Variants in CHRNA4 observed in about 807,000 individuals in gnomAD.
CHRNA4 encodes cholinergic receptor nicotinic alpha 4 subunit.
CHRNA4 carries 28 observed loss-of-function variants against 48.9 expected under a neutral mutation model. The ratio of observed to expected loss-of-function variants is 0.57; its 90% confidence interval spans 0.42 to 0.79. The LOEUF (loss-of-function observed/expected upper bound fraction) is 0.79, where lower values mean the gene tolerates loss of function less well. CHRNA4 is among the 30% of genes least tolerant of loss of function. CHRNA4 has a pLI of 0.00. For missense variants in CHRNA4, 859 were observed against 898.4 expected, an observed-to-expected ratio of 0.96 and a Z score of 0.56; for synonymous variants, 425 against 402.3, an observed-to-expected ratio of 1.06 and a Z score of -0.68.
In CHRNA4 at chr20:63,350,083, T is replaced by G. The variant is rs2123470721; in HGVS notation, c.1328A>C (p.His443Pro). ...QPLEAEKASP[H>P]PSPGPCRPPH... ...CGGGCGGCAGGGTCCAGGCGAGGGGTGGGGGCTGGCTTTCTCAGCTTCCAG... is the reference window on the plus strand; with the variant it reads ...CGGGCGGCAGGGTCCAGGCGAGGGGGGGGGGCTGGCTTTCTCAGCTTCCAG... Residue 443 changes from histidine to proline, a missense_variant, in exon 5 of 6, where the codon CAC becomes CCC. Transcript: ENST00000370263. 1 of 1,518,806 alleles carries G rather than the reference T, an allele frequency of 6.6e-7. No individual in the cohort carries two copies. Among genetic ancestry groups the G allele is most frequent in the Non-Finnish European group, 8.8e-7 (1 of 1,130,990 alleles). 94.1% of individuals were successfully genotyped at this position (1,518,806 alleles called of 1,614,324 possible).
chr20:63,353,824 G>A (rs1360220115), intron 4 of CHRNA4, among the ~76,000 whole-genome samples: 3 of 82,662 alleles, frequency 3.6e-5, no homozygotes, highest in African/African-American at 4.9e-5. Context: ...TCCTGGAGGG[G>A]CTGTGGTTCT....
chr20:63,361,274 G>GCCGC lies in CHRNA4; in HGVS notation c.-113_-110dup. The stretch of plus-strand genomic sequence containing the variant: ...CTCCCGCGCCTCGCGGGCCGCTTCG[G>GCCGC]CCGCCGGGCCCGGTTCGTCTTCTCC... On this transcript the variant is annotated 5_prime_UTR_variant, in exon 1 of 6. Transcript: ENST00000370263. The GCCGC allele has an allele frequency of 7.3e-7, 1 of 1,377,262 alleles. No individual in the cohort carries two copies. The highest frequency in any genetic ancestry group is 9.4e-7 in the Non-Finnish European group (1 of 1,066,756). 85.3% of individuals were successfully genotyped at this position (1,377,262 alleles called of 1,614,324 possible). A position where few individuals can be genotyped will look rare whatever the true frequency, so the allele number is the denominator to read the frequency against.
At chr20:63,351,661 G>T (rs1417297123) in intron 4 of CHRNA4, among the ~76,000 whole-genome samples, 1 of 152,242 alleles carries the variant, frequency 6.6e-6, no homozygotes, top group Non-Finnish European at 1.5e-5. Context: ...GCAAGGACAG[G>T]TGTTCTGGCC....
chr20:63,351,135 A>C, intron 4 of CHRNA4, 108 bp from the exon 5 acceptor site: 1 of 1,139,676 alleles, frequency 8.8e-7, no homozygotes, highest in Admixed American at 2.2e-5. Flanking sequence ...ACCCACATCC[A>C]CGCCCACATC....
rs45514492 is a variant in CHRNA4, at chr20:63,346,301, G to A, written c.*437C>T. 4.4e-6 allele frequency: 2 copies of A among 454,238 alleles called. No homozygotes were observed. The highest frequency in any genetic ancestry group is 6.9e-5 in the East Asian group (1 of 14,476). The allele number at this position is 454,238 out of a possible 1,614,324, so 28.1% of individuals were successfully genotyped here. ...CAGGACACGGTGGGTGGGAGAGGCG[G>A]CCGGGCCTCCAGAAGACGGGGCGCT... On this transcript the variant is annotated 3_prime_UTR_variant, in exon 6 of 6. Transcript: ENST00000370263.
intron 1 of CHRNA4, chr20:63,360,861 C>T (rs916247849): frequency 3.6e-5 from 15 of 416,328 alleles, no homozygotes; most frequent in African/African-American, 2.7e-4. Flanking sequence ...CCGCGGAAAG[C>T]CCCTTTCCCA....
chr20:63,360,988 G>C, intron 1 of CHRNA4, 102 bp downstream of exon 1: 1 of 1,018,674 alleles, frequency 9.8e-7, no homozygotes, highest in Non-Finnish European at 1.3e-6. Flanking sequence ...GCGCACCCGC[G>C]GCTTGGGACC....
intron 4 of CHRNA4, among the ~76,000 whole-genome samples, chr20:63,353,443 G>C (rs1234279061): frequency 6.7e-6 from 1 of 149,322 alleles, no homozygotes; most frequent in Admixed American, 6.6e-5. Flanking sequence ...CCTGAGCTGT[G>C]GTCCTAGGGG....
rs1251792310 is a variant in CHRNA4 at position 63,343,253 on chromosome 20, T to A, written c.*3485A>T. 2.4e-6 allele frequency: 1 copy of A among 421,702 alleles called. No individual in the cohort carries two copies. The highest frequency in any genetic ancestry group is 4.8e-6 in the Non-Finnish European group (1 of 207,148). The allele number at this position is 421,702 out of a possible 1,614,324, so 26.1% of individuals were successfully genotyped here. ...ACGGTGCGTTTTATTCATTGAAGTC[T>A]GTGCACACACTGGGAGCACATTCCA... On this transcript the variant is annotated 3_prime_UTR_variant, in exon 6 of 6. Transcript: ENST00000370263.
intron 4 of CHRNA4, among the ~76,000 whole-genome samples, chr20:63,351,505 G>C (rs1345056408): frequency 1.3e-5 from 2 of 152,118 alleles, no homozygotes; most frequent in Non-Finnish European, 2.9e-5. Context: ...TCACCTCCTG[G>C]GACACACGGC....
chr20:63,344,199 A>C lies in CHRNA4; in HGVS notation c.*2539T>G. The C allele has an allele frequency of 2.2e-6, 1 of 454,042 alleles. No homozygotes were observed. The highest frequency in any genetic ancestry group is 4.4e-6 in the Non-Finnish European group (1 of 226,778). The allele number at this position is 454,042 out of a possible 1,614,324, so 28.1% of individuals were successfully genotyped here. A position where few individuals can be genotyped will look rare whatever the true frequency, so the allele number is the denominator to read the frequency against. ...TGAAGCTCTAAGTCATAGGATGAAG[A>C]AGCCAGACATCAAAGGCTCCAACTG... On this transcript the variant is annotated 3_prime_UTR_variant, in exon 6 of 6. Transcript: ENST00000370263. This position sits in a 1 kb window ranked among gnomAD's most constrained non-coding sequence, Gnocchi z 4.5.
Position 63,351,044 on chromosome 20 carries a change from C to T in CHRNA4, c.384-17G>A, listed in dbSNP as rs200449795. 1.4e-4 allele frequency: 229 copies of T among 1,609,124 alleles called. 1 individual carries two copies. The highest frequency in any genetic ancestry group is 6.2e-4 in the South Asian group (56 of 90,788). On this transcript the variant is annotated splice_polypyrimidine_tract_variant and intron_variant, in intron 4 of 5. Coordinates refer to ENST00000370263, the MANE Select transcript of CHRNA4 (RefSeq NM_000744.7). Reference sequence around the variant, plus strand: ...CCGTCAGCACTGGGCAGGAAGAGAGCGAAGGGTGTGAGACCCCCACATCCA... The same window carrying T: ...CCGTCAGCACTGGGCAGGAAGAGAGTGAAGGGTGTGAGACCCCCACATCCA...
At chr20:63,357,173 TCCCACAGGACCACAA>T (rs1367695357) in intron 2 of CHRNA4, among the ~76,000 whole-genome samples, 2 of 7,046 alleles carry the variant, frequency 2.8e-4, no homozygotes, top group African/African-American at 5.2e-4. Context: ...AGGACCACAT[TCCCACAGGACCACAA>T]CCCACAGGAC....
intron 4 of CHRNA4, among the ~76,000 whole-genome samples, chr20:63,352,080 G>A (rs556723324): frequency 8.5e-5 from 13 of 152,342 alleles, no homozygotes; most frequent in Admixed American, 5.2e-4. Flanking sequence ...GGCACGACGC[G>A]TCGGGGGGAG....
intron 2 of CHRNA4, among the ~76,000 whole-genome samples, chr20:63,358,811 C>G (rs180965254): frequency 1.3e-5 from 2 of 152,312 alleles, no homozygotes; most frequent in South Asian, 2.1e-4. Context: ...TGCCCCTTAC[C>G]CGGCCCCTCC....
Position 63,349,913 on chromosome 20 carries a change from G to A in CHRNA4, c.1498C>T (p.Pro500Ser), listed in dbSNP as rs770800835. Residue 500 changes from proline (P) to serine (S), a missense_variant, in exon 5 of 6, where the codon CCC (proline) becomes TCC (serine). Coordinates refer to ENST00000370263, the MANE Select transcript of CHRNA4 (RefSeq NM_000744.7). ...CCGGCAGCCTGGCCATCTGCCTCGG[G>A]GGCGGCATCGTCTCGGGGAACACAG... ...QYCVPRDDAA[P>S]EADGQAAGAL... The A allele has an allele frequency of 3.8e-6, 6 of 1,594,850 alleles. No homozygotes were observed. Among genetic ancestry groups the A allele is most frequent in the Non-Finnish European group, 5.1e-6 (6 of 1,169,768 alleles).
intron 2 of CHRNA4, among the ~76,000 whole-genome samples, chr20:63,357,185 A>ACGTCTC: frequency 1.0e-4 from 1 of 9,930 alleles, no homozygotes; most frequent in Admixed American, 2.0e-3. Flanking sequence ...CCACAGGACC[A>ACGTCTC]CAACCCACAG....
In CHRNA4 at chr20:63,346,837, G is replaced by A; in HGVS notation, c.1785C>T (p.Ala595=). The A allele has an allele frequency of 6.2e-7, 1 of 1,612,610 alleles. No homozygotes were observed. The highest frequency in any genetic ancestry group is 2.2e-5 in the East Asian group (1 of 44,870). The change falls in exon 6 of 6, where the codon GCC becomes GCT. Residue 595 remains alanine, a synonymous_variant. Transcript: ENST00000370263. ...FSVKEDWKYV[A]MVIDRIFLWM... ...AGAGGAAGATGCGGTCGATGACCAT[G>A]GCCACGTACTTCCAGTCCTCCTTCA...
At chr20:63,347,046 G>A (rs914220324) in intron 5 of CHRNA4, 183 bp from the exon 6 acceptor site, 1 of 819,952 alleles carries the variant, frequency 1.2e-6, no homozygotes, top group East Asian at 2.7e-5. Context: ...GCACGGGACA[G>A]CCAGTGCTCT....
Sources: gnomAD v4.1 joint callset for allele counts (sites outside exome capture counted in the v4.1 genomes callset) on GRCh38, gnomAD v4.1.1 for gene constraint, Gnocchi (gnomAD v3.1) non-coding constraint, MANE v1.5 for transcripts, NCBI Gene and HGNC (gene_info 2026-07-23, HGNC 2026-07-21) for gene names.